The following CNKSR2 variants were observed in gnomAD, a reference collection of about 807,000 sequenced individuals.
The protein encoded by CNKSR2 is connector enhancer of kinase suppressor of Ras 2, also known as CNK homolog protein 2.
A neutral mutation model predicts 84.4 loss-of-function variants in CNKSR2; 14 were observed. The ratio of observed to expected loss-of-function variants is 0.17; its 90% CI spans 0.11 to 0.26. The LOEUF (loss-of-function observed/expected upper bound fraction) is 0.26. Among genes scored for constraint, CNKSR2 ranks in the 10% least tolerant of loss-of-function variants. The pLI is 1.00. For synonymous variants in CNKSR2, 275 were observed against 277.9 expected (o/e 0.99, Z 0.10); for missense variants, 485 against 771.2 (o/e 0.63, Z 4.40).
intron 1 of CNKSR2, among the ~76,000 whole-genome samples, chrX:21,416,199 TC>T (rs2090419995): frequency 8.9e-6 from 1 of 112,126 alleles, no homozygotes; most frequent in Non-Finnish European, 1.9e-5. Context: ...AATGAAATGA[TC>T]AGATGGTTTT....
chrX:21,582,061 C>T (rs2092356846), intron 13 of CNKSR2, among the ~76,000 whole-genome samples: 1 of 111,342 alleles, frequency 9.0e-6, no homozygotes, highest in African/African-American at 3.3e-5. Context: ...TAATTGCAGT[C>T]CCATCTCTGT....
chrX:21,399,179 C>G (rs1417434956), intron 1 of CNKSR2, among the ~76,000 whole-genome samples: 2 of 111,174 alleles, frequency 1.8e-5, no homozygotes, highest in Non-Finnish European at 3.8e-5. Flanking sequence ...TTTGGAAGTA[C>G]AGAAACTGCC....
rs756887218 is a variant in CNKSR2 at position 21,434,339 on chromosome X, T to A, written c.431+1525T>A. Among the ~76,000 whole-genome samples, 362 of 111,650 alleles carry A rather than the reference T, an allele frequency of 3.2e-3. 2 individuals carry two copies. The highest frequency in any genetic ancestry group is 0.011 in the African/African-American group (337 of 30,846). On this transcript the variant is annotated intron_variant, in intron 3 of 21. Transcript: ENST00000379510. Reference sequence around the variant, plus strand: ...AAATCGCACATTTCCCACACTATAGTAGTCCTTGAGATTTTATCGTATCAA... The same window carrying A: ...AAATCGCACATTTCCCACACTATAGAAGTCCTTGAGATTTTATCGTATCAA...
intron 20 of CNKSR2, among the ~76,000 whole-genome samples, chrX:21,614,538 A>G (rs1462642594): frequency 1.8e-5 from 2 of 111,384 alleles, no homozygotes; most frequent in African/African-American, 6.5e-5. Flanking sequence ...TCACTTTTGT[A>G]AAGTTGAGCA....
chrX:21,377,221 T>C (rs1264603086), intron 1 of CNKSR2, among the ~76,000 whole-genome samples: 1 of 111,928 alleles, frequency 8.9e-6, no homozygotes, highest in Non-Finnish European at 1.9e-5. Context: ...TGCTGAAATT[T>C]CCTTAATATT....
intron 10 of CNKSR2, among the ~76,000 whole-genome samples, chrX:21,528,757 T>C (rs1480471616): frequency 9.0e-6 from 1 of 111,344 alleles, no homozygotes; most frequent in Admixed American, 9.7e-5. Context: ...TCTTAGTTGG[T>C]CAGTGTATAA....
intron 1 of CNKSR2, among the ~76,000 whole-genome samples, chrX:21,391,052 C>T (rs768842290): frequency 1.8e-5 from 2 of 112,824 alleles, no homozygotes; most frequent in South Asian, 7.3e-4. Flanking sequence ...CACACTGATG[C>T]AAGGGGTGGG....
chrX:21,390,276 T>C (rs1425960871), intron 1 of CNKSR2, among the ~76,000 whole-genome samples: 6 of 111,564 alleles, frequency 5.4e-5, no homozygotes, highest in African/African-American at 2.0e-4. Flanking sequence ...GGGCAGATAT[T>C]TAGTTACCTA....
rs767450412 is a variant in CNKSR2, at chrX:21,437,319, GA to G, written c.432-3373del. Among the ~76,000 whole-genome samples, 435 of 110,298 alleles carry G rather than the reference GA, an allele frequency of 3.9e-3. 1 individual carries two copies. The highest frequency in any genetic ancestry group is 0.014 in the African/African-American group (420 of 30,389). On this transcript the variant is annotated intron_variant, in intron 3 of 21. Transcript: ENST00000379510. ...CAGACTCTGACCTTTTCAAACCTAG[GA>G]ATCGAAACTCTTTTCTAATCATGCC...
rs759351719 is a variant in CNKSR2, at chrX:21,543,879, A to G, written c.1303+11812A>G. 9.3e-4 allele frequency among the ~76,000 whole-genome samples: 102 copies of G among 109,941 alleles called. 1 individual carries two copies. The highest frequency in any genetic ancestry group is 1.0e-3 in the Non-Finnish European group (53 of 52,769). Reference sequence around the variant, plus strand: ...GCCCTGTTACCCAGTCTGTAGTGCAATGGCATGATCTCGGCTCACTGCAAC... The same window carrying G: ...GCCCTGTTACCCAGTCTGTAGTGCAGTGGCATGATCTCGGCTCACTGCAAC... On this transcript the variant is annotated intron_variant, in intron 11 of 21. Transcript: ENST00000379510.
At chrX:21,381,292 G>C (rs1199086517) in intron 1 of CNKSR2, among the ~76,000 whole-genome samples, 2 of 111,924 alleles carry the variant, frequency 1.8e-5, no homozygotes, top group Non-Finnish European at 3.8e-5. Context: ...GTTTAAAGCT[G>C]TATTCTCCAG....
At chrX:21,559,214 T>C (rs970844959) in intron 11 of CNKSR2, among the ~76,000 whole-genome samples, 2 of 110,313 alleles carry the variant, frequency 1.8e-5, no homozygotes, top group Non-Finnish European at 3.8e-5. Flanking sequence ...AAAGGAGATA[T>C]AGTATAGAGC....
chrX:21,608,418 A>C (rs2092530321), intron 19 of CNKSR2, among the ~76,000 whole-genome samples: 1 of 111,742 alleles, frequency 8.9e-6, no homozygotes, highest in African/African-American at 3.3e-5. Flanking sequence ...CCCAAGCTTT[A>C]AATTCCAGGG....
chrX:21,486,474 C>T, intron 5 of CNKSR2, among the ~76,000 whole-genome samples: 1 of 112,052 alleles, frequency 8.9e-6, no homozygotes, highest in East Asian at 2.8e-4. Context: ...ACAGAATTAG[C>T]ACAATAATGA....
At chrX:21,564,755 T>TG (rs2092223609) in intron 13 of CNKSR2, among the ~76,000 whole-genome samples, 1 of 85,167 alleles carries the variant, frequency 1.2e-5, no homozygotes, top group Non-Finnish European at 2.0e-5. Context: ...TAGAAAAATG[T>TG]TTTTTTTTTT....
At chrX:21,399,291 A>G (rs1233741944) in intron 1 of CNKSR2, among the ~76,000 whole-genome samples, 1 of 111,404 alleles carries the variant, frequency 9.0e-6, no homozygotes, top group Admixed American at 9.6e-5. Flanking sequence ...CCTATAAAAA[A>G]CAAAATCTTT....
intron 1 of CNKSR2, among the ~76,000 whole-genome samples, chrX:21,400,762 G>A (rs2090180638): frequency 9.0e-6 from 1 of 111,192 alleles, no homozygotes; most frequent in Non-Finnish European, 1.9e-5. Context: ...TGAACAAAAA[G>A]TTCATAGGTT....
intron 5 of CNKSR2, among the ~76,000 whole-genome samples, chrX:21,481,885 G>C (rs1376869866): frequency 9.0e-6 from 1 of 111,694 alleles, no homozygotes; most frequent in Non-Finnish European, 1.9e-5. Flanking sequence ...AGTGGATTCT[G>C]CTGACAACCT....
intron 8 of CNKSR2, among the ~76,000 whole-genome samples, chrX:21,516,260 C>A (rs1264525328): frequency 9.0e-6 from 1 of 111,307 alleles, no homozygotes; most frequent in Non-Finnish European, 1.9e-5. Flanking sequence ...TTTGATTTGA[C>A]ATGGTAAATG....
Sources: allele counts gnomAD v4.1 joint callset (sites outside exome capture counted in the v4.1 genomes callset), GRCh38; gene constraint gnomAD v4.1.1; transcripts MANE v1.5; gene names NCBI Gene and HGNC (gene_info 2026-07-23, HGNC 2026-07-21).